Variants in EML5 observed in about 807,000 individuals in gnomAD.
The protein encoded by EML5 is EMAP like 5, also known as echinoderm microtubule-associated protein-like 5.
EML5 carries 120 observed loss-of-function variants against 250.0 expected under a neutral mutation model. The observed-to-expected ratio is 0.48, with a 90% CI of 0.41 to 0.56. EML5 has a LOEUF of 0.56. Among genes scored for constraint, EML5 ranks in the 20% least tolerant of loss-of-function variants. The pLI, the probability that EML5 is intolerant of heterozygous loss-of-function variation, is 0.00. For synonymous variants in EML5, 771 were observed against 806.5 expected, an observed-to-expected ratio of 0.96 and a Z score of 0.75; for missense variants, 2,006 against 2,437.6, an observed-to-expected ratio of 0.82 and a Z score of 3.73.
intron 7 of EML5, among the ~76,000 whole-genome samples, chr14:88,735,875 A>C (rs1466672395): frequency 6.6e-6 from 1 of 152,206 alleles, no homozygotes; most frequent in East Asian, 1.9e-4. Context: ...TCTGATATGG[A>C]ACAAACTCCA....
At chr14:88,627,960 T>A (rs922593789) in intron 33 of EML5, 141 bp from the exon 34 acceptor site, 1 of 848,818 alleles carries the variant, frequency 1.2e-6, no homozygotes, top group Admixed American at 2.0e-5. Flanking sequence ...AGCTCAAAAC[T>A]AAGGCTAAAT....
intron 7 of EML5, 142 bp downstream of exon 7, chr14:88,736,222 A>G (rs1010061050): frequency 1.2e-6 from 1 of 852,796 alleles, no homozygotes; most frequent in South Asian, 1.7e-5. Context: ...GATGGTCTCA[A>G]TCCCTTGACC....
chr14:88,778,473 C>A (rs1168356405), intron 1 of EML5, among the ~76,000 whole-genome samples: 3 of 152,142 alleles, frequency 2.0e-5, no homozygotes. Flanking sequence ...GGACATAGAA[C>A]TGTGGAAGGT....
At chr14:88,625,165 A>G (rs777267338) in intron 35 of EML5, 38 bp from the exon 36 acceptor site, 5 of 1,608,048 alleles carry the variant, frequency 3.1e-6, no homozygotes, top group Admixed American at 3.4e-5. Context: ...AAACTCATCA[A>G]AAGTTCAAAT....
chr14:88,706,169 C>T, intron 11 of EML5, 90 bp downstream of exon 11: 4 of 1,242,868 alleles, frequency 3.2e-6, no homozygotes, highest in Non-Finnish European at 3.3e-6. Flanking sequence ...ACTTATGAGG[C>T]CAGATTATAC....
intron 28 of EML5, among the ~76,000 whole-genome samples, chr14:88,648,850 GGTT>G (rs1420871771): frequency 6.6e-6 from 1 of 151,982 alleles, no homozygotes; most frequent in African/African-American, 2.4e-5. Context: ...CCATTTTAGA[GGTT>G]GCTTCATACT....
In EML5 at chr14:88,627,045, A is replaced by C; in HGVS notation, c.4533T>G (p.Gly1511=). Residue 1511 remains glycine, a splice_region_variant and synonymous_variant, in exon 35 of 44, where the codon GGT becomes GGG. Transcript: ENST00000554922. ...GACCAGCTCTGCTGGCAATTTTGGC[A>C]CCTGACAAGATACAACAAAATTATC... ...HTITIWRWQE[G]AKIASRAGHN... is the part of the protein sequence containing the mutation. 1 of 1,613,790 alleles carries C rather than the reference A, an allele frequency of 6.2e-7. No individual in the cohort carries two copies. Among genetic ancestry groups the C allele is most frequent in the South Asian group, 1.1e-5 (1 of 91,070 alleles).
At chr14:88,642,128 T>C (rs1290370079) in intron 31 of EML5, among the ~76,000 whole-genome samples, 1 of 152,188 alleles carries the variant, frequency 6.6e-6, no homozygotes, top group Non-Finnish European at 1.5e-5. Flanking sequence ...ATCATCAATC[T>C]ACTCTTTACC....
At chr14:88,721,586 C>T (rs998355954) in intron 8 of EML5, among the ~76,000 whole-genome samples, 2 of 152,070 alleles carry the variant, frequency 1.3e-5, no homozygotes, top group African/African-American at 4.8e-5. Context: ...GAAACTGGAC[C>T]CCTTCCTTAC....
At chr14:88,766,244 A>G (rs2094318465) in intron 1 of EML5, among the ~76,000 whole-genome samples, 1 of 152,224 alleles carries the variant, frequency 6.6e-6, no homozygotes, top group South Asian at 2.1e-4. Flanking sequence ...TGTTCAGGGA[A>G]CAAGGGAGAT....
intron 1 of EML5, among the ~76,000 whole-genome samples, chr14:88,759,911 C>A (rs1476186712): frequency 1.3e-5 from 2 of 152,050 alleles, no homozygotes; most frequent in Admixed American, 1.3e-4. Flanking sequence ...CACATTCCTA[C>A]TAATATTTGG....
chr14:88,742,676 C>T lies in EML5; in HGVS notation c.525+1347G>A, dbSNP rs75828697. Among the ~76,000 whole-genome samples the T allele has an allele frequency of 6.2e-4, 95 of 152,126 alleles. 1 individual carries two copies. Among genetic ancestry groups the T allele is most frequent in the African/African-American group, 2.2e-3 (92 of 41,516 alleles). ...CAAGTACCATATCAAACACACTGTC[C>T]ATCAAAGATGAACAAGACAAAAATA... is the stretch of plus-strand genomic sequence containing the variant. On this transcript the variant is annotated intron_variant, in intron 4 of 43. Coordinates refer to ENST00000554922, the MANE Select transcript of EML5 (RefSeq NM_183387.3).
At chr14:88,734,700 G>A (rs2093812650) in intron 7 of EML5, among the ~76,000 whole-genome samples, 1 of 152,068 alleles carries the variant, frequency 6.6e-6, no homozygotes, top group Non-Finnish European at 1.5e-5. Flanking sequence ...GAAATATCCT[G>A]AAAATTCATA....
chr14:88,627,108 A>G, intron 34 of EML5, 62 bp from the exon 35 acceptor site: 1 of 1,531,478 alleles, frequency 6.5e-7, no homozygotes, highest in Non-Finnish European at 9.0e-7. Flanking sequence ...AACAGCATCA[A>G]ACAAATATGT....
In EML5 at chr14:88,792,307, CTGA is replaced by C; in HGVS notation, c.194_196del (p.Ile65del). The C allele has an allele frequency of 6.4e-7, 1 of 1,553,664 alleles. No individual in the cohort carries two copies. The highest frequency in any genetic ancestry group is 8.7e-7 in the Non-Finnish European group (1 of 1,150,928). The stretch of plus-strand genomic sequence containing the variant: ...GGCGGCGGCCCCCGCTCCCCGGTAC[CTGA>C]TGATGTCGTCGCTGTGGCCCCGGTA... On this transcript the variant is annotated inframe_deletion and splice_region_variant, in exon 1 of 44. Coordinates refer to ENST00000554922, the MANE Select transcript of EML5 (RefSeq NM_183387.3). This position sits in a 1 kb window ranked among gnomAD's most constrained non-coding sequence, Gnocchi z 6.9.
Position 88,699,579 on chromosome 14 carries a change from G to T in EML5, c.2239-2627C>A, listed in dbSNP as rs17188207. On this transcript the variant is annotated intron_variant, in intron 14 of 43. Coordinates refer to ENST00000554922, the MANE Select transcript of EML5 (RefSeq NM_183387.3). Reference sequence around the variant, plus strand: ...CTTTTAGAAAGATTACTAGTGAATGGGAAAAATGGATAGAGGAAAAAAGCA... The same window carrying T: ...CTTTTAGAAAGATTACTAGTGAATGTGAAAAATGGATAGAGGAAAAAAGCA... Among the ~76,000 whole-genome samples the T allele has an allele frequency of 3.3e-5, 5 of 152,014 alleles. No homozygotes were observed. In the East Asian group the frequency reaches 9.7e-4, roughly 30 times the overall value.
intron 6 of EML5, among the ~76,000 whole-genome samples, chr14:88,737,978 C>G (rs1395037238): frequency 2.6e-5 from 4 of 152,094 alleles, no homozygotes; most frequent in Non-Finnish European, 4.4e-5. Flanking sequence ...TCTGCCTACT[C>G]CTGAATGTCT....
intron 34 of EML5, chr14:88,627,295 T>C (rs1024026435): frequency 1.1e-5 from 6 of 529,598 alleles, no homozygotes; most frequent in African/African-American, 5.7e-5. Context: ...TAGGTAATAT[T>C]ATCCTGCTGA....
chr14:88,779,873 C>A (rs2094480129), intron 1 of EML5, among the ~76,000 whole-genome samples: 1 of 152,122 alleles, frequency 6.6e-6, no homozygotes, highest in Admixed American at 6.5e-5. Flanking sequence ...ATTTCCAATT[C>A]AAATCCAGAA....
Sources: allele counts gnomAD v4.1 joint callset (sites outside exome capture counted in the v4.1 genomes callset), GRCh38; gene constraint gnomAD v4.1.1; non-coding constraint Gnocchi (gnomAD v3.1); transcripts MANE v1.5; gene names NCBI Gene and HGNC (gene_info 2026-07-23, HGNC 2026-07-21).